MAP3K7: variants seen among roughly 807,000 people sequenced by gnomAD.
MAP3K7 encodes mitogen-activated protein kinase kinase kinase 7.
A neutral mutation model predicts 84.8 loss-of-function variants in MAP3K7; 21 were observed. The observed-to-expected ratio is 0.25, with a 90% CI of 0.18 to 0.36. The LOEUF (loss-of-function observed/expected upper bound fraction) is 0.36, where lower values mean the gene tolerates loss of function less well. Ranked by LOEUF, MAP3K7 falls within the 10% of genes least tolerant of loss-of-function variation. The pLI is 1.00. For missense variants in MAP3K7, 503 were observed against 747.7 expected (o/e 0.67, Z 3.82); for synonymous variants, 241 against 247.7 (o/e 0.97, Z 0.25).
chr6:90,563,144 A>C (rs1395810480), intron 3 of MAP3K7, among the ~76,000 whole-genome samples: 3 of 152,226 alleles, frequency 2.0e-5, no homozygotes, highest in Non-Finnish European at 4.4e-5. Flanking sequence ...AGAAAAGCTG[A>C]AAATTCTAAA....
At chr6:90,540,024 A>C (rs558217461) in intron 12 of MAP3K7, among the ~76,000 whole-genome samples, 1 of 152,052 alleles carries the variant, frequency 6.6e-6, no homozygotes, top group East Asian at 1.9e-4. Flanking sequence ...ATGCGGCTGA[A>C]ATCATAAGGA....
rs74808376 is a variant in MAP3K7, at chr6:90,530,699, C to G, written c.1356+5638G>C. Reference sequence around the variant, plus strand: ...ATGCTAATATGTTTGTATAAAAAAACTAAGGAAATATTTAAAAACAAGGCA... The same window carrying G: ...ATGCTAATATGTTTGTATAAAAAAAGTAAGGAAATATTTAAAAACAAGGCA... On this transcript the variant is annotated intron_variant, in intron 13 of 16. Coordinates refer to ENST00000369329, the MANE Select transcript of MAP3K7 (RefSeq NM_145331.3). Among the ~76,000 whole-genome samples the G allele has an allele frequency of 2.1e-3, 314 of 151,970 alleles. 1 individual carries two copies. The highest frequency in any genetic ancestry group is 1.8e-3 in the Non-Finnish European group (125 of 67,936).
intron 7 of MAP3K7, 134 bp from the exon 8 acceptor site, chr6:90,552,313 A>G: frequency 1.3e-6 from 1 of 797,258 alleles, no homozygotes; most frequent in East Asian, 2.7e-5. Context: ...TGGAGTAATA[A>G]AAGTGCTTTG....
intron 12 of MAP3K7, among the ~76,000 whole-genome samples, chr6:90,542,684 T>C (rs1348141352): frequency 1.3e-5 from 2 of 152,094 alleles, no homozygotes; most frequent in African/African-American, 2.4e-5. Flanking sequence ...GTTCTTCGTC[T>C]GTTAAACAGC....
intron 16 of MAP3K7, 71 bp from the exon 17 acceptor site, chr6:90,516,752 T>C (rs1170486907): frequency 8.2e-7 from 1 of 1,221,084 alleles, no homozygotes; most frequent in African/African-American, 1.5e-5. Flanking sequence ...TGATGGAAGC[T>C]CAATTAATGA....
At chr6:90,551,812 A>C (rs886464203) in intron 8 of MAP3K7, 1 of 374,944 alleles carries the variant, frequency 2.7e-6, no homozygotes, top group Non-Finnish European at 4.8e-6. Flanking sequence ...TGTAAGCAAA[A>C]AGAAAAAAGC....
At position 90,550,563 on chromosome 6, in the gene MAP3K7, A is replaced by G. The variant is rs369295115; in HGVS notation, c.868-14T>C. The G allele has an allele frequency of 2.3e-5, 35 of 1,503,144 alleles. No homozygotes were observed. The highest frequency in any genetic ancestry group is 3.1e-5 in the Non-Finnish European group (34 of 1,087,422). The allele number at this position is 1,503,144 out of a possible 1,614,324, so 93.1% of individuals were successfully genotyped here. ...TCCTGGAAAGTACTATATATAAAAAAGTAAACCACAGCTTAAAATTTCCTT... is the reference window on the plus strand; with the variant it reads ...TCCTGGAAAGTACTATATATAAAAAGGTAAACCACAGCTTAAAATTTCCTT... On this transcript the variant is annotated splice_polypyrimidine_tract_variant and intron_variant, in intron 8 of 16. Transcript: ENST00000369329.
intron 1 of MAP3K7, among the ~76,000 whole-genome samples, chr6:90,577,282 G>C (rs560162731): frequency 6.6e-6 from 1 of 152,308 alleles, no homozygotes; most frequent in African/African-American, 2.4e-5. Context: ...GGATAAGAAT[G>C]ATGCAGATTT....
chr6:90,530,905 G>C (rs1775487233), intron 13 of MAP3K7, among the ~76,000 whole-genome samples: 1 of 151,978 alleles, frequency 6.6e-6, no homozygotes, highest in African/African-American at 2.4e-5. Context: ...AAATTCTGAG[G>C]GTCACAAATG....
chr6:90,559,615 C>A (rs467667), intron 5 of MAP3K7, among the ~76,000 whole-genome samples: 51,882 of 151,754 alleles, frequency 0.34, 8,991 homozygotes, highest in South Asian at 0.42. Flanking sequence ...AGAATATTTT[C>A]AATTTCTACC....
In MAP3K7 at chr6:90,523,707, C is replaced by T. The variant is rs1327472475; in HGVS notation, c.1433G>A (p.Ser478Asn). The T allele has an allele frequency of 1.9e-6, 3 of 1,613,306 alleles. No homozygotes were observed. The highest frequency in any genetic ancestry group is 1.7e-5 in the Admixed American group (1 of 59,966). The change falls in exon 14 of 17, where the codon AGT (serine) becomes AAT (asparagine). Residue 478 changes from serine (S) to asparagine (N), a missense_variant. By Grantham distance (46) the Ser-to-Asn change is conservative (BLOSUM62 1). Around this residue, in one of 5 missense-constraint regions of MAP3K7, gnomAD observed 286 missense variants for 313.6 expected, o/e 0.91. Coordinates refer to ENST00000369329, the MANE Select transcript of MAP3K7 (RefSeq NM_145331.3). ...SGPTSEKPTR[S>N]HPWTPDDSTD... ...GGAATCATCAGGGGTCCATGGATGA[C>T]TTCGAGTTGGCTTTTCTGAGGTTGG...
chr6:90,533,850 G>A (rs1775583765), intron 13 of MAP3K7, among the ~76,000 whole-genome samples: 2 of 152,136 alleles, frequency 1.3e-5, no homozygotes, highest in Non-Finnish European at 2.9e-5. Context: ...GTCAGGGACT[G>A]CTTTTTTCTT....
chr6:90,572,078 A>G (rs1467208867), intron 1 of MAP3K7, among the ~76,000 whole-genome samples: 1 of 152,048 alleles, frequency 6.6e-6, no homozygotes, highest in Admixed American at 6.6e-5. Context: ...AAAAAGACAC[A>G]TGGAGGAACA....
In MAP3K7 at chr6:90,516,400, C is replaced by T. The variant is rs529391523; in HGVS notation, c.*101G>A. The T allele has an allele frequency of 2.0e-4, 246 of 1,238,480 alleles. No homozygotes were observed. Among genetic ancestry groups the T allele is most frequent in the Non-Finnish European group, 2.5e-4 (213 of 869,170 alleles). 76.7% of individuals were successfully genotyped at this position (1,238,480 alleles called of 1,614,324 possible). ...ATATAGGCAGTTGGCATTCAGAACA[C>T]GCCAAAAAGCTAACACTCATGAATC... is the stretch of plus-strand genomic sequence containing the variant. On this transcript the variant is annotated 3_prime_UTR_variant, in exon 17 of 17. Transcript: ENST00000369329.
chr6:90,526,586 T>C (rs545509800), intron 13 of MAP3K7, among the ~76,000 whole-genome samples: 1 of 152,004 alleles, frequency 6.6e-6, no homozygotes, highest in South Asian at 2.1e-4. Context: ...ATTCTAAATA[T>C]ATATATGAAA....
rs1774881940 is a variant in MAP3K7, at chr6:90,514,024, TA to T, written c.*2476del. 6.6e-6 allele frequency: 1 copy of T among 150,926 alleles called. No homozygotes were observed. The highest frequency in any genetic ancestry group is 2.1e-4 in the South Asian group (1 of 4,776). The allele number at this position is 150,926 out of a possible 1,614,324, so 9.3% of individuals were successfully genotyped here. ...CACGAATACTTCCCTCTAGATTAGA[TA>T]AAAGCTTGCTTTCTTTTCCTGGAGT... On this transcript the variant is annotated 3_prime_UTR_variant, in exon 17 of 17. Coordinates refer to ENST00000369329, the MANE Select transcript of MAP3K7 (RefSeq NM_145331.3).
intron 1 of MAP3K7, among the ~76,000 whole-genome samples, chr6:90,579,764 T>G (rs1777207174): frequency 6.6e-6 from 1 of 152,244 alleles, no homozygotes; most frequent in Admixed American, 6.5e-5. Context: ...AATGATAGTA[T>G]GAAACCTTTC....
chr6:90,524,978 AAAT>A (rs1775272440), intron 13 of MAP3K7, among the ~76,000 whole-genome samples: 1 of 152,208 alleles, frequency 6.6e-6, no homozygotes, highest in Non-Finnish European at 1.5e-5. Flanking sequence ...ACCAGAAAGA[AAAT>A]AATAAAATGA....
chr6:90,516,804 C>T, intron 16 of MAP3K7, 123 bp from the exon 17 acceptor site: 1 of 694,980 alleles, frequency 1.4e-6, no homozygotes, highest in Non-Finnish European at 2.3e-6. Flanking sequence ...CTTAGGTACA[C>T]TAATCAAATA....
Sources: allele counts gnomAD v4.1 joint callset (sites outside exome capture counted in the v4.1 genomes callset), GRCh38; gene constraint gnomAD v4.1.1; regional missense constraint gnomAD v4.1.1; transcripts MANE v1.5; gene names NCBI Gene and HGNC (gene_info 2026-07-23, HGNC 2026-07-21).